The following LIMK1 variants were observed in gnomAD, a reference collection of about 807,000 sequenced individuals.
LIMK1 encodes LIM motif-containing protein kinase.
LIMK1 carries 21 observed loss-of-function variants against 77.6 expected under a neutral mutation model. The observed-to-expected ratio is 0.27, with a 90% CI of 0.19 to 0.39. The LOEUF (loss-of-function observed/expected upper bound fraction) is 0.39. Among genes scored for constraint, LIMK1 ranks in the 10% least tolerant of loss-of-function variants. The pLI is 1.00. For missense variants in LIMK1, 696 were observed against 901.6 expected (o/e 0.77, Z 2.92); for synonymous variants, 358 against 370.0 (o/e 0.97, Z 0.37).
intron 13 of LIMK1, 120 bp downstream of exon 13, chr7:74,116,078 T>G (rs981451591): frequency 1.3e-4 from 136 of 1,023,906 alleles, no homozygotes; most frequent in South Asian, 4.2e-4. Flanking sequence ...AGTTACCCTG[T>G]GGGTCCTGTT....
chr7:74,084,716 C>T (rs1192828268), intron 1 of LIMK1, among the ~76,000 whole-genome samples: 1 of 152,150 alleles, frequency 6.6e-6, no homozygotes. Flanking sequence ...GCCCCTTCTC[C>T]CTCACTGGGG....
chr7:74,114,578 G>A (rs111871308), intron 12 of LIMK1, among the ~76,000 whole-genome samples: 97 of 149,320 alleles, frequency 6.5e-4, no homozygotes, highest in African/African-American at 2.4e-3. Context: ...AATCAAACCC[G>A]AAAAGCAAAA....
chr7:74,116,603 C>G (rs958757864), intron 13 of LIMK1, among the ~76,000 whole-genome samples: 1 of 152,142 alleles, frequency 6.6e-6, no homozygotes, highest in East Asian at 1.9e-4. Flanking sequence ...CCTCCTGTTG[C>G]TGCCCCCTCC....
chr7:74,104,589 C>T (rs1048306777), intron 5 of LIMK1, among the ~76,000 whole-genome samples: 1 of 151,706 alleles, frequency 6.6e-6, no homozygotes, highest in African/African-American at 2.4e-5. Flanking sequence ...CACTCCATTG[C>T]ACTCCAGCCT....
At chr7:74,106,041 C>G in intron 6 of LIMK1, 36 bp from the exon 7 acceptor site, 1 of 1,613,552 alleles carries the variant, frequency 6.2e-7, no homozygotes, top group East Asian at 2.2e-5. Flanking sequence ...AGCCCCCTCC[C>G]CACTCCACCC....
intron 2 of LIMK1, among the ~76,000 whole-genome samples, chr7:74,086,202 C>T (rs1017265974): frequency 2.0e-5 from 3 of 151,428 alleles, no homozygotes; most frequent in African/African-American, 4.8e-5. Flanking sequence ...TGCACCACCA[C>T]GCCCAGCTAA....
chr7:74,112,235 C>G (rs1284183873), intron 12 of LIMK1, among the ~76,000 whole-genome samples: 5 of 152,132 alleles, frequency 3.3e-5, no homozygotes, highest in Non-Finnish European at 7.3e-5. Flanking sequence ...GAGTCCCAGG[C>G]TGGTAGGAGG....
At chr7:74,088,695 G>A (rs1452549781) in intron 2 of LIMK1, among the ~76,000 whole-genome samples, 2 of 151,788 alleles carry the variant, frequency 1.3e-5, no homozygotes, top group Non-Finnish European at 2.9e-5. Flanking sequence ...CAAGCTACTC[G>A]GGAGGCTAAG....
chr7:74,092,798 G>A (rs1018732923), intron 2 of LIMK1, among the ~76,000 whole-genome samples: 2 of 152,192 alleles, frequency 1.3e-5, no homozygotes, highest in Admixed American at 6.5e-5. Flanking sequence ...CCTTTTTGGC[G>A]AAGACAAACT....
intron 2 of LIMK1, chr7:74,093,304 G>A (rs1799274725): frequency 1.3e-6 from 2 of 1,535,922 alleles, no homozygotes; most frequent in Non-Finnish European, 1.7e-6. Context: ...GGCTAAGTAA[G>A]TGGGAATCCC....
rs781973873 is a variant in LIMK1, at chr7:74,111,938, C to T, written c.1350C>T (p.Tyr450=). ...FAKDIASGMA[Y]LHSMNIIHRD... ...TCCCGTGTCCCCGTCCCTAGGCCTACCTCCACTCCATGAACATCATCCACC... is the reference window on the plus strand; with the variant it reads ...TCCCGTGTCCCCGTCCCTAGGCCTATCTCCACTCCATGAACATCATCCACC... The change falls in exon 12 of 16, where the codon TAC becomes TAT. Residue 450 remains tyrosine, a synonymous_variant. Coordinates refer to ENST00000336180, the MANE Select transcript of LIMK1 (RefSeq NM_002314.4). 7 of 1,613,036 alleles carry T rather than the reference C, an allele frequency of 4.3e-6. No homozygotes were observed. The East Asian group carries it at 1.3e-4, about 31-fold the overall frequency.
Position 74,097,116 on chromosome 7 carries a change from A to G in LIMK1, c.328A>G (p.Ile110Val). 6.2e-7 allele frequency: 1 copy of G among 1,613,662 alleles called. No individual in the cohort carries two copies. The highest frequency in any genetic ancestry group is 8.5e-7 in the Non-Finnish European group (1 of 1,179,910). ...GCTGAAGTACCACCCCGAGTGTTTC[A>G]TCTGCCTCACGTGTGGGACCTTTAT... ...GELKYHPECFICLTCGTFIGD... is the reference protein window; with the variant it reads ...GELKYHPECFVCLTCGTFIGD... The change falls in exon 4 of 16, where the codon ATC becomes GTC. Residue 110 changes from isoleucine to valine, a missense_variant. Transcript: ENST00000336180.
intron 12 of LIMK1, among the ~76,000 whole-genome samples, chr7:74,113,305 CAG>C (rs1356379889): frequency 6.6e-6 from 1 of 151,418 alleles, no homozygotes; most frequent in African/African-American, 2.4e-5. Flanking sequence ...GCCTGGGAGA[CAG>C]AGCCAGACCC....
chr7:74,088,758 C>T (rs782343356), intron 2 of LIMK1, among the ~76,000 whole-genome samples: 1 of 145,996 alleles, frequency 6.8e-6, no homozygotes, highest in Non-Finnish European at 1.5e-5. Context: ...GCTGAGATCA[C>T]GTCACTGCAC....
At chr7:74,114,189 G>A (rs1554699012) in intron 12 of LIMK1, among the ~76,000 whole-genome samples, 2 of 151,970 alleles carry the variant, frequency 1.3e-5, no homozygotes. Flanking sequence ...GGAGGTTGCT[G>A]TGAGCCGAGA....
intron 5 of LIMK1, 110 bp from the exon 6 acceptor site, chr7:74,105,765 A>C (rs901450481): frequency 1.7e-5 from 12 of 692,212 alleles, no homozygotes; most frequent in African/African-American, 1.8e-5. Context: ...CAGTCACACG[A>C]AGTAGAATCC....
chr7:74,107,145 C>T lies in LIMK1; in HGVS notation c.1017C>T (p.Leu339=), dbSNP rs113986267. 5.0e-6 allele frequency: 8 copies of T among 1,613,132 alleles called. No homozygotes were observed. The highest frequency in any genetic ancestry group is 2.7e-5 in the African/African-American group (2 of 75,072). Residue 339 remains leucine (L), a synonymous_variant, in exon 8 of 16, where the codon CTC becomes CTT. Coordinates refer to ENST00000336180, the MANE Select transcript of LIMK1 (RefSeq NM_002314.4). ...RPHRIFRPSD[L]IHGEVLGKGC... Reference sequence around the variant, plus strand: ...ACCGCATCTTCCGGCCGTCGGACCTCATCCACGGGGAGGTGCTGGGCAAGG... The same window carrying T: ...ACCGCATCTTCCGGCCGTCGGACCTTATCCACGGGGAGGTGCTGGGCAAGG...
chr7:74,111,883 T>C, intron 11 of LIMK1, 50 bp from the exon 12 acceptor site: 1 of 1,539,142 alleles, frequency 6.5e-7, no homozygotes, highest in African/African-American at 1.4e-5. Context: ...CAGGATGGGC[T>C]GGGGTCCCTC....
At position 74,120,723 on chromosome 7, in the gene LIMK1, C is replaced by A. The variant is rs1554700400; in HGVS notation, c.1623+85C>A. 6.4e-6 allele frequency: 10 copies of A among 1,558,746 alleles called. No homozygotes were observed. The Admixed American group carries it at 1.7e-4, about 26-fold the overall frequency. ...GCTGCAGGCTCAGCATCTGCAGGGG[C>A]CTCATGCCAGGAAGCCTGCCCACAG... On this transcript the variant is annotated intron_variant, in intron 14 of 15. Transcript: ENST00000336180.
Sources: gnomAD v4.1 joint callset for allele counts (sites outside exome capture counted in the v4.1 genomes callset) on GRCh38, gnomAD v4.1.1 for gene constraint, MANE v1.5 for transcripts, NCBI Gene and HGNC (gene_info 2026-07-23, HGNC 2026-07-21) for gene names.